CPLANE1: variants seen among roughly 807,000 people sequenced by gnomAD.
The protein encoded by CPLANE1 is ciliogenesis and planar polarity effector complex subunit 1, also known as ciliogenesis and planar polarity effector 1.
A neutral mutation model predicts 362.5 loss-of-function variants in CPLANE1; 263 were observed. The ratio of observed to expected loss-of-function variants is 0.73; its 90% CI spans 0.66 to 0.80. The LOEUF (loss-of-function observed/expected upper bound fraction) is 0.80, where lower values mean the gene tolerates loss of function less well. CPLANE1 is among the 30% of genes least tolerant of loss of function. CPLANE1 has a pLI of 0.00. For synonymous variants in CPLANE1, 1,212 were observed against 1,302.6 expected (o/e 0.93, Z 1.50); for missense variants, 3,461 against 3,793.4 (o/e 0.91, Z 2.30).
At chr5:37,180,260 G>GT (rs1303495140) in intron 27 of CPLANE1, 77 bp from the exon 28 acceptor site, 48,297 of 635,614 alleles carry the variant, frequency 0.076, no homozygotes, top group East Asian at 0.094. Flanking sequence ...TTTTTTTTTT[G>GT]TTTTTTTTTT....
At position 37,224,269 on chromosome 5, in the gene CPLANE1, T is replaced by C; in HGVS notation, c.2565A>G (p.Gln855=). 1.9e-6 allele frequency: 3 copies of C among 1,548,440 alleles called. No homozygotes were observed. Among genetic ancestry groups the C allele is most frequent in the Non-Finnish European group, 1.7e-6 (2 of 1,145,136 alleles). ...CTCTCTTACCTTTCTCTTCGATTTC[T>C]TGTAGAGCTTTTTTCCACAGCTGAA... ...KSVQLWKKAL[Q]EIEEKGGRRT... The change falls in exon 14 of 53, where the codon CAA becomes CAG. Residue 855 remains glutamine, a synonymous_variant. Transcript: ENST00000651892.
rs904715762 is a variant in CPLANE1 at position 37,221,215 on chromosome 5, C to T, written c.2746+109G>A. On this transcript the variant is annotated intron_variant, in intron 15 of 52. Transcript: ENST00000651892. ...ATTCTGTAGTCCTAGCCACTTGAGG[C>T]GGCTGAGGTAGAAGGATTACTTGAG... 14 of 613,640 alleles carry T rather than the reference C, an allele frequency of 2.3e-5. No homozygotes were observed. In the Admixed American group the frequency reaches 4.5e-4, roughly 20 times the overall value. The allele number at this position is 613,640 out of a possible 1,614,324, so 38.0% of individuals were successfully genotyped here. A position where few individuals can be genotyped will look rare whatever the true frequency, so the allele number is the denominator to read the frequency against.
At chr5:37,131,527 TA>T (rs201590931) in intron 46 of CPLANE1, among the ~76,000 whole-genome samples, 4 of 151,626 alleles carry the variant, frequency 2.6e-5, no homozygotes, top group East Asian at 1.9e-4. Flanking sequence ...TTTTTTTTAG[TA>T]AAAAAAAATT....
intron 21 of CPLANE1, among the ~76,000 whole-genome samples, chr5:37,191,013 G>T (rs549288528): frequency 2.1e-3 from 321 of 152,192 alleles, no homozygotes; most frequent in African/African-American, 7.3e-3. Flanking sequence ...CCTCAGGCAG[G>T]TCCTTCAGGA....
At chr5:37,232,662 C>A (rs1172063408) in intron 8 of CPLANE1, among the ~76,000 whole-genome samples, 2 of 151,020 alleles carry the variant, frequency 1.3e-5, no homozygotes, top group African/African-American at 4.9e-5. Context: ...CATAGCAAGA[C>A]CCTGGCTCTA....
intron 8 of CPLANE1, among the ~76,000 whole-genome samples, chr5:37,238,044 C>T (rs1326084487): frequency 1.3e-5 from 2 of 152,110 alleles, no homozygotes. Flanking sequence ...TAGCTACATA[C>T]AGTGACACAC....
Position 37,157,692 on chromosome 5 carries a change from G to A in CPLANE1, c.7989C>T (p.Pro2663=), listed in dbSNP as rs757356112. The change falls in exon 40 of 53, where the codon CCC becomes CCT. Residue 2663 remains proline (P), a synonymous_variant. Coordinates refer to ENST00000651892, the MANE Select transcript of CPLANE1 (RefSeq NM_001384732.1). The stretch of plus-strand genomic sequence containing the variant: ...TACCTTGACTCTTAAAATTATGTGG[G>A]GGAACAGCATTAGTAACTGAAGCTG... ...YMAASVTNAV[P]PHNFKSQEVT... 2 of 1,613,342 alleles carry A rather than the reference G, an allele frequency of 1.2e-6. No individual in the cohort carries two copies. Among genetic ancestry groups the A allele is most frequent in the East Asian group, 2.2e-5 (1 of 44,852 alleles).
the CPLANE1 span, among the ~76,000 whole-genome samples, chr5:37,075,916 A>G: frequency 6.6e-6 from 1 of 152,080 alleles, no homozygotes; most frequent in Non-Finnish European, 1.5e-5. Flanking sequence ...GTCACATGCA[A>G]TTGGTTTTTA....
At chr5:37,114,591 A>T (rs1385142283) in intron 51 of CPLANE1, among the ~76,000 whole-genome samples, 1 of 152,308 alleles carries the variant, frequency 6.6e-6, no homozygotes, top group South Asian at 2.1e-4. Context: ...GGAGTGATTT[A>T]TAATTTTTTT....
intron 20 of CPLANE1, 124 bp downstream of exon 20, chr5:37,198,578 A>T (rs1788235955): frequency 1.1e-6 from 1 of 921,308 alleles, no homozygotes; most frequent in Non-Finnish European, 1.6e-6. Flanking sequence ...TTATGAATAA[A>T]TCTGAAATTT....
intron 15 of CPLANE1, among the ~76,000 whole-genome samples, 195 bp from the exon 16 acceptor site, chr5:37,213,927 A>G (rs1321447063): frequency 6.6e-6 from 1 of 152,208 alleles, no homozygotes; most frequent in African/African-American, 2.4e-5. Flanking sequence ...ATTACAATTG[A>G]CCCTTGAACT....
At position 37,227,744 on chromosome 5, in the gene CPLANE1, GTCTCAT is replaced by G; in HGVS notation, c.1189_1194del (p.Met397_Arg398del). On this transcript the variant is annotated inframe_deletion, in exon 10 of 53. Transcript: ENST00000651892. ...GAGTGTGCTTTTATAGAAAATCTCT[GTCTCAT>G]AGGGTCACTATCAGAAGCTGATGAA... 1 of 1,551,268 alleles carries G rather than the reference GTCTCAT, an allele frequency of 6.4e-7. No homozygotes were observed. Among genetic ancestry groups the G allele is most frequent in the South Asian group, 1.2e-5 (1 of 84,048 alleles).
chr5:37,156,842 C>G (rs2150691535), intron 41 of CPLANE1, among the ~76,000 whole-genome samples: 1 of 152,244 alleles, frequency 6.6e-6, no homozygotes, highest in South Asian at 2.1e-4. Flanking sequence ...GTACTATGCT[C>G]ATTACCTGGG....
At chr5:37,129,138 C>T (rs969035797) in intron 46 of CPLANE1, among the ~76,000 whole-genome samples, 1 of 151,994 alleles carries the variant, frequency 6.6e-6, no homozygotes, top group Non-Finnish European at 1.5e-5. Context: ...ACAAAACAAA[C>T]AAAAACATAA....
At position 37,226,848 on chromosome 5, in the gene CPLANE1, C is replaced by G. The variant is rs1350997993; in HGVS notation, c.1747G>C (p.Gly583Arg). The change falls in exon 12 of 53, where the codon GGA becomes CGA. Residue 583 changes from glycine to arginine, a missense_variant. Physicochemically the swap from Gly to Arg is moderately radical, Grantham distance 125. This residue lies in a region of CPLANE1 where 3,380 missense variants were observed against 3,666.1 expected (regional missense o/e 0.92). Coordinates refer to ENST00000651892, the MANE Select transcript of CPLANE1 (RefSeq NM_001384732.1). ...TTTTCTGTCACAGTTTTTGAAATTC[C>G]TATAGTCCACGCTGCAAGTAGACTT... ...QKSLLAAWTI[G>R]ISKTVTEKNL... The G allele has an allele frequency of 6.4e-7, 1 of 1,551,068 alleles. No homozygotes were observed. Among genetic ancestry groups the G allele is most frequent in the Admixed American group, 2.0e-5 (1 of 50,934 alleles).
At chr5:37,198,516 A>G (rs1369301536) in intron 20 of CPLANE1, among the ~76,000 whole-genome samples, 186 bp downstream of exon 20, 2 of 152,182 alleles carry the variant, frequency 1.3e-5, no homozygotes, top group African/African-American at 4.8e-5. Flanking sequence ...ACTAACCTAG[A>G]GACCCTGTTC....
At chr5:37,214,320 G>C (rs1033395382) in intron 15 of CPLANE1, among the ~76,000 whole-genome samples, 3 of 151,924 alleles carry the variant, frequency 2.0e-5, no homozygotes, top group Non-Finnish European at 4.4e-5. Context: ...ACAATAAAAA[G>C]AAACATTAGC....
chr5:37,219,036 TAAAC>T (rs1244862182), intron 15 of CPLANE1, among the ~76,000 whole-genome samples: 1 of 151,420 alleles, frequency 6.6e-6, no homozygotes, highest in Non-Finnish European at 1.5e-5. Flanking sequence ...ATTGCAAAAA[TAAAC>T]AAATAAATAA....
rs374320265 is a variant in CPLANE1 at position 37,167,151 on chromosome 5, T to C, written c.7296A>G (p.Lys2432=). The C allele has an allele frequency of 1.1e-5, 17 of 1,613,640 alleles. No individual in the cohort carries two copies. The African/African-American group carries it at 2.3e-4, about 21-fold the overall frequency. ...CTTGTTCAAATAAATTATGTGTTAG[T>C]TTCTGTTGGCTTTGTTTAAACGCAA... The part of the protein sequence containing the change: ...NLIAFKQSQQ[K]LTHNLFEQGD... Residue 2432 remains lysine, a synonymous_variant, in exon 35 of 53, where the codon AAA becomes AAG. Coordinates refer to ENST00000651892, the MANE Select transcript of CPLANE1 (RefSeq NM_001384732.1).
Sources: allele counts gnomAD v4.1 joint callset (sites outside exome capture counted in the v4.1 genomes callset), GRCh38; gene constraint gnomAD v4.1.1; regional missense constraint gnomAD v4.1.1; transcripts MANE v1.5; gene names NCBI Gene and HGNC (gene_info 2026-07-23, HGNC 2026-07-21).